ZNF532: variants seen among roughly 807,000 people sequenced by gnomAD.
ZNF532 encodes zinc finger protein 532.
In ZNF532, 22 loss-of-function variants were observed where a neutral mutation model predicts 89.3. The ratio of observed to expected loss-of-function variants is 0.25; its 90% CI spans 0.18 to 0.35. The LOEUF (loss-of-function observed/expected upper bound fraction) is 0.35, where lower values mean the gene tolerates loss of function less well. Among genes scored for constraint, ZNF532 ranks in the 10% least tolerant of loss-of-function variants. The pLI, the probability that ZNF532 is intolerant of heterozygous loss-of-function variation, is 1.00. For missense variants in ZNF532, 1,132 were observed against 1,643.4 expected (o/e 0.69, Z 5.38); for synonymous variants, 606 against 649.6 (o/e 0.93, Z 1.02).
chr18:58,867,587 G>A (rs2056589717), intron 2 of ZNF532, among the ~76,000 whole-genome samples: 1 of 152,142 alleles, frequency 6.6e-6, no homozygotes, highest in African/African-American at 2.4e-5. Flanking sequence ...GAGAGCCAGG[G>A]GGGACCCGGT....
intron 5 of ZNF532, among the ~76,000 whole-genome samples, chr18:58,942,241 C>T (rs978819097): frequency 6.6e-6 from 1 of 150,662 alleles, no homozygotes; most frequent in Non-Finnish European, 1.5e-5. Context: ...CCAGGATGGT[C>T]TCGAACTCCT....
At chr18:58,935,554 T>C (rs2146510880) in intron 4 of ZNF532, among the ~76,000 whole-genome samples, 1 of 129,634 alleles carries the variant, frequency 7.7e-6, no homozygotes, top group Non-Finnish European at 1.6e-5. Flanking sequence ...CTCTTCTGCA[T>C]ATCTTCACTG....
intron 4 of ZNF532, 59 bp downstream of exon 4, chr18:58,934,673 T>C: frequency 5.2e-6 from 8 of 1,525,816 alleles, no homozygotes; most frequent in Non-Finnish European, 7.1e-6. Context: ...CCGCACAGCA[T>C]TTTGAGTGGT....
chr18:58,929,982 C>A (rs2061815307), intron 3 of ZNF532, among the ~76,000 whole-genome samples: 2 of 152,136 alleles, frequency 1.3e-5, no homozygotes, highest in Admixed American at 6.6e-5. Context: ...TGCTTAGCAT[C>A]TGGGCTGACT....
chr18:58,986,109 T>G lies in ZNF532; in HGVS notation c.*1643T>G, dbSNP rs2068365851. On this transcript the variant is annotated 3_prime_UTR_variant, in exon 10 of 10. Transcript: ENST00000591808. ...ATTAGTAATCAGCTATTTTGTCACT[T>G]TCTTGTTGACTCCATCAGTACATGG... The G allele has an allele frequency of 6.6e-6, 1 of 152,636 alleles. No individual in the cohort carries two copies. The highest frequency in any genetic ancestry group is 2.1e-4 in the South Asian group (1 of 4,830). The allele number at this position is 152,636 out of a possible 1,614,324, so 9.5% of individuals were successfully genotyped here.
rs79181905 is a variant in ZNF532 at position 58,865,083 on chromosome 18, C to T, written c.-430C>T. On this transcript the variant is annotated 5_prime_UTR_variant, in exon 1 of 10. Transcript: ENST00000591808. Reference sequence around the variant, plus strand: ...CTGAGATTACTTGGGCTTTTCCTGCCTTTTTCTTTTGCTTAAGGGATGGAC... The same window carrying T: ...CTGAGATTACTTGGGCTTTTCCTGCTTTTTTCTTTTGCTTAAGGGATGGAC... The T allele has an allele frequency of 6.6e-6, 1 of 151,884 alleles. No individual in the cohort carries two copies. The highest frequency in any genetic ancestry group is 6.6e-5 in the Admixed American group (1 of 15,248). 9.4% of individuals were successfully genotyped at this position (151,884 alleles called of 1,614,324 possible). A position where few individuals can be genotyped will look rare whatever the true frequency, so the allele number is the denominator to read the frequency against.
chr18:58,920,618 A>C lies in ZNF532; in HGVS notation c.2331A>C (p.Ala777=). Residue 777 remains alanine, a synonymous_variant, in exon 3 of 10, where the codon GCA becomes GCC. Transcript: ENST00000591808. ...TSLATHFQQA[A]DTSGQKTCTI... ...TGGCTACACATTTCCAGCAGGCTGC[A>C]GATACGAGTGGACAAGTAGAGTATC... The C allele has an allele frequency of 6.3e-7, 1 of 1,589,984 alleles. No homozygotes were observed. Among genetic ancestry groups the C allele is most frequent in the South Asian group, 1.1e-5 (1 of 88,640 alleles).
At chr18:58,932,408 TTTTC>T (rs2062037143) in intron 3 of ZNF532, 1 of 152,242 alleles carries the variant, frequency 6.6e-6, no homozygotes, top group African/African-American at 2.4e-5. Context: ...GCTTTTTAGA[TTTTC>T]TTTCCATTTT....
intron 7 of ZNF532, among the ~76,000 whole-genome samples, chr18:58,976,872 T>TATC (rs1343939653): frequency 6.6e-6 from 1 of 152,246 alleles, no homozygotes; most frequent in African/African-American, 2.4e-5. Context: ...GATTTTTAAA[T>TATC]ATCTTTATTG....
At chr18:58,907,962 A>T (rs1036204027) in intron 2 of ZNF532, among the ~76,000 whole-genome samples, 5 of 152,178 alleles carry the variant, frequency 3.3e-5, no homozygotes, top group African/African-American at 1.2e-4. Context: ...CCTGAATGTG[A>T]TACTGGCCAA....
chr18:58,863,711 C>T (rs2056173951), upstream of ZNF532: 1 of 152,270 alleles, frequency 6.6e-6, no homozygotes, highest in African/African-American at 2.4e-5. Context: ...GGCCCAGACG[C>T]CCGGGCTTGA....
At chr18:58,943,162 T>A (rs1343809022) in intron 5 of ZNF532, among the ~76,000 whole-genome samples, 5 of 148,970 alleles carry the variant, frequency 3.4e-5, no homozygotes, top group African/African-American at 1.2e-4. Flanking sequence ...CTATATCTTT[T>A]TTTTTTTTTT....
At chr18:58,976,698 A>G (rs2067099819) in intron 7 of ZNF532, among the ~76,000 whole-genome samples, 1 of 152,092 alleles carries the variant, frequency 6.6e-6, no homozygotes, top group Non-Finnish European at 1.5e-5. Flanking sequence ...ATGCCCAGCT[A>G]ATTTTTGTAT....
Position 58,919,298 on chromosome 18 carries a change from C to T in ZNF532, c.1011C>T (p.Ser337=), listed in dbSNP as rs199856092. ...PSLKQPDSPR[S]ISSENSSKGS... ...TGAAGCAACCGGATAGTCCCAGAAG[C>T]ATCTCAAGTGAGAACAGCAGCAAAG... Residue 337 remains serine, a synonymous_variant, in exon 3 of 10, where the codon AGC becomes AGT. Transcript: ENST00000591808. This position sits in a 1 kb window ranked among gnomAD's most constrained non-coding sequence, Gnocchi z 6.1. 7.6e-5 allele frequency: 122 copies of T among 1,614,182 alleles called. No homozygotes were observed. In the East Asian group the frequency reaches 2.3e-3, roughly 31 times the overall value.
chr18:58,881,566 T>G (rs2057930124), intron 2 of ZNF532, among the ~76,000 whole-genome samples: 1 of 152,252 alleles, frequency 6.6e-6, no homozygotes, highest in Admixed American at 6.5e-5. Flanking sequence ...CTATGGAAGT[T>G]AAGTCACTTG....
At chr18:58,884,566 ACTT>A (rs2145070472) in intron 2 of ZNF532, among the ~76,000 whole-genome samples, 1 of 152,340 alleles carries the variant, frequency 6.6e-6, no homozygotes, top group Admixed American at 6.5e-5. Flanking sequence ...TCAAAACATC[ACTT>A]CTAATGTAGG....
intron 2 of ZNF532, among the ~76,000 whole-genome samples, chr18:58,901,342 C>T (rs1475574106): frequency 6.6e-6 from 1 of 152,184 alleles, no homozygotes; most frequent in African/African-American, 2.4e-5. Flanking sequence ...CCCGCCTCAG[C>T]CTTCCAAAGT....
At chr18:58,868,211 C>T (rs2056653715) in intron 2 of ZNF532, among the ~76,000 whole-genome samples, 1 of 152,138 alleles carries the variant, frequency 6.6e-6, no homozygotes, top group Admixed American at 6.6e-5. Flanking sequence ...ACTCCTAATC[C>T]CAGGACCATC....
At chr18:58,899,376 G>C (rs1270638612) in intron 2 of ZNF532, among the ~76,000 whole-genome samples, 2 of 152,112 alleles carry the variant, frequency 1.3e-5, no homozygotes, top group Non-Finnish European at 2.9e-5. Flanking sequence ...CTTTCAATTG[G>C]ATTGTCTCCT....
Sources: gnomAD v4.1 joint callset for allele counts (sites outside exome capture counted in the v4.1 genomes callset) on GRCh38, gnomAD v4.1.1 for gene constraint, Gnocchi (gnomAD v3.1) non-coding constraint, MANE v1.5 for transcripts, NCBI Gene and HGNC (gene_info 2026-07-23, HGNC 2026-07-21) for gene names.